The following PLEKHG6 variants were observed in gnomAD, a reference collection of about 807,000 sequenced individuals.
PLEKHG6 encodes pleckstrin homology domain-containing family G member 6.
PLEKHG6 carries 91 observed loss-of-function variants against 97.5 expected under a neutral mutation model. The ratio of observed to expected loss-of-function variants is 0.93; its 90% CI spans 0.79 to 1.11. PLEKHG6 has a LOEUF of 1.11. Ranked by LOEUF, PLEKHG6 falls within the 50% of genes most tolerant of loss-of-function variation. The pLI is 0.00. For synonymous variants in PLEKHG6, 466 were observed against 425.5 expected, an observed-to-expected ratio of 1.10 and a Z score of -1.17; for missense variants, 1,044 against 1,031.0, an observed-to-expected ratio of 1.01 and a Z score of -0.17.
At position 6,328,392 on chromosome 12, in the gene PLEKHG6, TAATCCCAG is replaced by T; in HGVS notation, c.*248_*255del. The T allele has an allele frequency of 2.0e-6, 1 of 490,402 alleles. No homozygotes were observed. Among genetic ancestry groups the T allele is most frequent in the Admixed American group, 3.6e-5 (1 of 27,728 alleles). The allele number at this position is 490,402 out of a possible 1,614,324, so 30.4% of individuals were successfully genotyped here. Reference sequence around the variant, plus strand: ...TGCCCTGGCTGGGCATGGCTGCCTGTAATCCCAGCACTTTGGGAGGCTGAGGTGGGAGG... The same window carrying T: ...TGCCCTGGCTGGGCATGGCTGCCTGTCACTTTGGGAGGCTGAGGTGGGAGG... On this transcript the variant is annotated 3_prime_UTR_variant, in exon 16 of 16. Coordinates refer to ENST00000684764, the MANE Select transcript of PLEKHG6 (RefSeq NM_001384598.1).
chr12:6,319,527 T>G (rs1050342153), intron 13 of PLEKHG6: 17 of 1,519,998 alleles, frequency 1.1e-5, no homozygotes, highest in Non-Finnish European at 1.5e-5. Context: ...GGAGAGAGGC[T>G]GGGGTGGATT....
At chr12:6,310,958 G>C (rs1357738260) in intron 1 of PLEKHG6, 110 bp downstream of exon 1, 1 of 152,380 alleles carries the variant, frequency 6.6e-6, no homozygotes, top group Non-Finnish European at 1.5e-5. Context: ...CGGGAGGAGG[G>C]GAGCCGGGGG....
intron 13 of PLEKHG6, among the ~76,000 whole-genome samples, chr12:6,321,355 T>C (rs1947694044): frequency 6.6e-6 from 1 of 151,958 alleles, no homozygotes; most frequent in South Asian, 2.1e-4. Flanking sequence ...GTGAAATCAG[T>C]GTGTTTCCTC....
Position 6,313,293 on chromosome 12 carries a change from G to C in PLEKHG6, c.139-336G>C, listed in dbSNP as rs577326675. The C allele has an allele frequency of 7.8e-4, 860 of 1,104,658 alleles. 12 individuals are homozygous for C. The South Asian group carries it at 0.01, about 13-fold the overall frequency. 68.4% of individuals were successfully genotyped at this position (1,104,658 alleles called of 1,614,324 possible). Reference sequence around the variant, plus strand: ...ACGCCTTGTCCATGCACCCCCCATGGTACGGAGAGCAGGAGGCAGTGGGGG... The same window carrying C: ...ACGCCTTGTCCATGCACCCCCCATGCTACGGAGAGCAGGAGGCAGTGGGGG... On this transcript the variant is annotated intron_variant, in intron 2 of 15. Transcript: ENST00000684764.
rs529343816 is a variant in PLEKHG6, at chr12:6,315,622, C to A, written c.528C>A (p.Tyr176Ter). ...AGCTCCTGACCACCGAGCTGATCTACGTGAGAAAGCTCAAGATCATGACTG... is the reference window on the plus strand; with the variant it reads ...AGCTCCTGACCACCGAGCTGATCTAAGTGAGAAAGCTCAAGATCATGACTG... ...LWELLTTELI[Y>*]VRKLKIMTDL... The change falls in exon 5 of 16, where the codon TAC (tyrosine) becomes TAA (stop). Residue 176 changes from tyrosine to a stop codon, truncating the protein, a stop_gained. Transcript: ENST00000684764. LOFTEE classifies it high-confidence loss of function. The surrounding 1 kb of genome is among the most constrained non-coding windows in gnomAD (Gnocchi z 4.5). 6.3e-7 allele frequency: 1 copy of A among 1,589,648 alleles called. No individual in the cohort carries two copies. The highest frequency in any genetic ancestry group is 8.6e-7 in the Non-Finnish European group (1 of 1,160,064).
At chr12:6,326,947 G>A (rs1947879124) in intron 14 of PLEKHG6, among the ~76,000 whole-genome samples, 1 of 152,146 alleles carries the variant, frequency 6.6e-6, no homozygotes, top group African/African-American at 2.4e-5. Context: ...AGCTTAAGGA[G>A]AAAAGAAGAA....
At position 6,315,838 on chromosome 12, in the gene PLEKHG6, G is replaced by C. The variant is rs1592023940; in HGVS notation, c.556-31G>C. 1 of 1,545,048 alleles carries C rather than the reference G, an allele frequency of 6.5e-7. No individual in the cohort carries two copies. The highest frequency in any genetic ancestry group is 2.0e-5 in the Admixed American group (1 of 50,764). ...GTGACGACACTGAAGGGCTGCGCTG[G>C]GTCCTGAGACCCTCGTCTCCCTCCC... On this transcript the variant is annotated intron_variant, in intron 5 of 15. Transcript: ENST00000684764. This position sits in a 1 kb window ranked among gnomAD's most constrained non-coding sequence, Gnocchi z 4.5.
intron 3 of PLEKHG6, among the ~76,000 whole-genome samples, chr12:6,314,690 G>A (rs1947390980): frequency 6.6e-6 from 1 of 152,000 alleles, no homozygotes; most frequent in Admixed American, 6.6e-5. Flanking sequence ...TCTGATTCAG[G>A]AGACCCATGG....
Position 6,317,709 on chromosome 12 carries a change from G to A in PLEKHG6, c.1017+13G>A. On this transcript the variant is annotated intron_variant, in intron 9 of 15. Transcript: ENST00000684764. ...CCTGAATGCCATGGTAGGTGCCCCA[G>A]TGGGGCTGGGACTCTGGTGAATCGG... 6.2e-7 allele frequency: 1 copy of A among 1,612,626 alleles called. No homozygotes were observed. Among genetic ancestry groups the A allele is most frequent in the Non-Finnish European group, 8.5e-7 (1 of 1,179,686 alleles).
At position 6,315,406 on chromosome 12, in the gene PLEKHG6, A is replaced by C; in HGVS notation, c.460-148A>C. On this transcript the variant is annotated intron_variant, in intron 4 of 15. Coordinates refer to ENST00000684764, the MANE Select transcript of PLEKHG6 (RefSeq NM_001384598.1). This position sits in a 1 kb window ranked among gnomAD's most constrained non-coding sequence, Gnocchi z 4.5. Reference sequence around the variant, plus strand: ...GTAAAGTGGGGATAATACCACCTACACATCAGAGCACTGGTTTGAGGATTA... The same window carrying C: ...GTAAAGTGGGGATAATACCACCTACCCATCAGAGCACTGGTTTGAGGATTA... 2 of 663,896 alleles carry C rather than the reference A, an allele frequency of 3.0e-6. No individual in the cohort carries two copies. The highest frequency in any genetic ancestry group is 2.0e-5 in the South Asian group (1 of 48,872). The allele number at this position is 663,896 out of a possible 1,614,324, so 41.1% of individuals were successfully genotyped here.
chr12:6,314,698 T>C (rs1415201163), intron 3 of PLEKHG6, among the ~76,000 whole-genome samples: 1 of 152,096 alleles, frequency 6.6e-6, no homozygotes, highest in Non-Finnish European at 1.5e-5. Flanking sequence ...AGGAGACCCA[T>C]GGAAGGCCTC....
At chr12:6,313,916 T>G (rs1947360146) in intron 3 of PLEKHG6, 132 bp downstream of exon 3, 25 of 760,152 alleles carry the variant, frequency 3.3e-5, no homozygotes, top group Non-Finnish European at 4.9e-5. Flanking sequence ...GACATGGCTC[T>G]GCCTAGGACC....
At chr12:6,325,804 C>A (rs1947839417) in intron 13 of PLEKHG6, among the ~76,000 whole-genome samples, 1 of 152,164 alleles carries the variant, frequency 6.6e-6, no homozygotes, top group African/African-American at 2.4e-5. Flanking sequence ...AGCAGGAAGA[C>A]CTGTACAGGT....
Position 6,316,155 on chromosome 12 carries a change from G to A in PLEKHG6, c.607-100G>A, listed in dbSNP as rs1044301409. On this transcript the variant is annotated intron_variant, in intron 6 of 15. Coordinates refer to ENST00000684764, the MANE Select transcript of PLEKHG6 (RefSeq NM_001384598.1). The surrounding 1 kb of genome is among the most constrained non-coding windows in gnomAD (Gnocchi z 4.1). ...GCCCAGTTCATCCTTCTTCACCCCCGCCCCTGCTGTCCAAGCTTAAGGTCC... is the reference window on the plus strand; with the variant it reads ...GCCCAGTTCATCCTTCTTCACCCCCACCCCTGCTGTCCAAGCTTAAGGTCC... 8.3e-6 allele frequency: 10 copies of A among 1,209,708 alleles called. No homozygotes were observed. The highest frequency in any genetic ancestry group is 4.7e-5 in the South Asian group (3 of 63,478). 74.9% of individuals were successfully genotyped at this position (1,209,708 alleles called of 1,614,324 possible). A position where few individuals can be genotyped will look rare whatever the true frequency, so the allele number is the denominator to read the frequency against.
intron 14 of PLEKHG6, among the ~76,000 whole-genome samples, chr12:6,326,835 C>A (rs555038792): frequency 5.3e-5 from 8 of 152,106 alleles, no homozygotes; most frequent in Admixed American, 4.6e-4. Flanking sequence ...GTGAGAGGAG[C>A]AAGCTCGAGA....
intron 13 of PLEKHG6, among the ~76,000 whole-genome samples, chr12:6,320,117 A>G (rs1947654659): frequency 6.6e-6 from 1 of 152,122 alleles, no homozygotes; most frequent in African/African-American, 2.4e-5. Context: ...CAAGTACAAG[A>G]GTAGACGCAG....
chr12:6,323,442 T>C (rs930608135), intron 13 of PLEKHG6, among the ~76,000 whole-genome samples: 5 of 152,240 alleles, frequency 3.3e-5, no homozygotes, highest in Non-Finnish European at 7.3e-5. Context: ...AGACTATTGT[T>C]TTCTCACCCT....
intron 13 of PLEKHG6, among the ~76,000 whole-genome samples, chr12:6,323,251 C>T (rs1947756864): frequency 6.6e-6 from 1 of 152,234 alleles, no homozygotes; most frequent in Admixed American, 6.5e-5. Context: ...CCAAGATATG[C>T]ACCAAGGCTC....
chr12:6,318,134 G>A (rs1947554676), intron 10 of PLEKHG6, 140 bp downstream of exon 10: 1 of 1,366,368 alleles, frequency 7.3e-7, no homozygotes, highest in Non-Finnish European at 1.0e-6. Context: ...GACAGTCCAA[G>A]GGGTACAGGT....
Sources: allele counts gnomAD v4.1 joint callset (sites outside exome capture counted in the v4.1 genomes callset), GRCh38; gene constraint gnomAD v4.1.1; non-coding constraint Gnocchi (gnomAD v3.1); transcripts MANE v1.5; gene names NCBI Gene and HGNC (gene_info 2026-07-23, HGNC 2026-07-21).